The following NIN variants were observed in gnomAD, a reference collection of about 807,000 sequenced individuals.
NIN encodes the protein ninein.
In NIN, 137 loss-of-function variants were observed where a neutral mutation model predicts 257.6. The observed-to-expected ratio is 0.53, with a 90% CI of 0.46 to 0.61. NIN has a LOEUF of 0.61. Ranked by LOEUF, NIN falls within the 20% of genes least tolerant of loss-of-function variation. NIN has a pLI of 0.00. For synonymous variants in NIN, 918 were observed against 919.8 expected (o/e 1.00, Z 0.04); for missense variants, 2,439 against 2,501.2 (o/e 0.98, Z 0.53).
intron 5 of NIN, among the ~76,000 whole-genome samples, chr14:50,784,012 AGATTT>A (rs2141943848): frequency 1.3e-5 from 2 of 152,350 alleles, no homozygotes; most frequent in South Asian, 4.1e-4. Flanking sequence ...TCATGAGATA[AGATTT>A]ATTTCTTCCC....
rs527318032 is a variant in NIN at position 50,723,135 on chromosome 14, T to C, written c.*328A>G. ...TATCTAGATTTTACACATAGATTTG[T>C]AATAATTAAAAAAAAAACCAAAACC... On this transcript the variant is annotated 3_prime_UTR_variant, in exon 31 of 31. Coordinates refer to ENST00000530997, the MANE Select transcript of NIN (RefSeq NM_020921.4). 2.9e-5 allele frequency: 7 copies of C among 244,064 alleles called. No homozygotes were observed. The East Asian group carries it at 4.4e-4, about 15-fold the overall frequency. The allele number at this position is 244,064 out of a possible 1,614,324, so 15.1% of individuals were successfully genotyped here. A position where few individuals can be genotyped will look rare whatever the true frequency, so the allele number is the denominator to read the frequency against.
chr14:50,766,281 T>C (rs755601213), intron 14 of NIN, 26 bp downstream of exon 14: 1 of 1,584,912 alleles, frequency 6.3e-7, no homozygotes, highest in Non-Finnish European at 8.7e-7. Context: ...ACTCCTGCAC[T>C]TACTCAGTTC....
chr14:50,821,930 C>G lies in NIN; in HGVS notation c.127G>C (p.Glu43Gln). ...TGCTGCAGCACTGGGGCCACCTCCT[C>G]CAAGCTCAACATGTGGCAAAGGTCG... is the stretch of plus-strand genomic sequence containing the variant. ...LTDLCHMLSL[E>Q]EVAPVLQQTL... Residue 43 changes from glutamate to glutamine, a missense_variant, in exon 3 of 31, where the codon GAG (glutamate) becomes CAG (glutamine). Glu to Gln is a conservative substitution (Grantham distance 29). This residue lies in a region of NIN where 387 missense variants were observed against 427.3 expected (regional missense o/e 0.91). Transcript: ENST00000530997. 6.2e-7 allele frequency: 1 copy of G among 1,614,162 alleles called. No individual in the cohort carries two copies. The highest frequency in any genetic ancestry group is 8.5e-7 in the Non-Finnish European group (1 of 1,180,032).
chr14:50,823,115 T>C (rs2045303251), intron 2 of NIN: 3 of 505,862 alleles, frequency 5.9e-6, no homozygotes, highest in African/African-American at 4.0e-5. Flanking sequence ...ATATACATCA[T>C]AAAATTCCAG....
At chr14:50,742,186 G>C (rs1002092753) in intron 24 of NIN, 5 of 153,362 alleles carry the variant, frequency 3.3e-5, no homozygotes, top group Non-Finnish European at 5.8e-5. Flanking sequence ...AGCCAAGGCA[G>C]GAGGATCGCT....
intron 6 of NIN, among the ~76,000 whole-genome samples, chr14:50,778,157 T>A (rs1268397199): frequency 2.6e-5 from 4 of 152,216 alleles, no homozygotes; most frequent in Non-Finnish European, 5.9e-5. Context: ...GATGCATTTT[T>A]AAATTAATTA....
At chr14:50,745,496 C>T (rs545409352) in intron 22 of NIN, among the ~76,000 whole-genome samples, 12 of 152,242 alleles carry the variant, frequency 7.9e-5, no homozygotes, top group East Asian at 3.9e-4. Flanking sequence ...TATGATTTTA[C>T]GACCATCTTT....
In NIN at chr14:50,758,239, T is replaced by C; in HGVS notation, c.2791A>G (p.Ser931Gly). The part of the protein sequence containing the change: ...DLRNVSETQQ[S>G]LLSDQILELK... ...TCAAGTATCTGGTCAGACAGCAGGC[T>C]TTGCTGGGTTTCAGATACATTTCTT... The change falls in exon 18 of 31, where the codon AGC (serine) becomes GGC (glycine). Residue 931 changes from serine to glycine, a missense_variant. By Grantham distance (56) the Ser-to-Gly change is moderately conservative. This residue lies in a region of NIN where 2,043 missense variants were observed against 2,050.2 expected (regional missense o/e 1.00). Coordinates refer to ENST00000530997, the MANE Select transcript of NIN (RefSeq NM_020921.4). 1 of 1,614,196 alleles carries C rather than the reference T, an allele frequency of 6.2e-7. No homozygotes were observed. The highest frequency in any genetic ancestry group is 8.5e-7 in the Non-Finnish European group (1 of 1,180,030).
rs1395083001 is a variant in NIN, at chr14:50,765,842, TG to T, written c.1635+464del. On this transcript the variant is annotated intron_variant, in intron 14 of 30. Transcript: ENST00000530997. ...TAATAATGTTAATAGCTAACATTTA[TG>T]TTTTTTTTTTTTAATTTTATTATAC... Among the ~76,000 whole-genome samples, 21 of 59,664 alleles carry T rather than the reference TG, an allele frequency of 3.5e-4. No homozygotes were observed. The South Asian group carries it at 0.025, about 72-fold the overall frequency. 39.1% of individuals were successfully genotyped at this position (59,664 alleles called of 152,430 possible). A position where few individuals can be genotyped will look rare whatever the true frequency, so the allele number is the denominator to read the frequency against.
chr14:50,761,943 G>A, intron 15 of NIN, 32 bp from the exon 16 acceptor site: 1 of 1,612,550 alleles, frequency 6.2e-7, no homozygotes, highest in Non-Finnish European at 8.5e-7. Context: ...TGATCCTGCA[G>A]CAGGTTCTTT....
intron 5 of NIN, 70 bp from the exon 6 acceptor site, chr14:50,778,874 G>C (rs2043021275): frequency 6.7e-7 from 1 of 1,498,774 alleles, no homozygotes; most frequent in South Asian, 1.1e-5. Context: ...GCTTTTCCTA[G>C]AGCAGATCAC....
intron 5 of NIN, among the ~76,000 whole-genome samples, chr14:50,782,574 T>G (rs573129219): frequency 7.9e-5 from 12 of 152,236 alleles, no homozygotes; most frequent in Non-Finnish European, 1.5e-4. Flanking sequence ...TGGAAGGAAA[T>G]AGAGATAATA....
rs2042693386 is a variant in NIN, at chr14:50,770,676, T to C, written c.1260-114A>G. 13 of 1,383,046 alleles carry C rather than the reference T, an allele frequency of 9.4e-6. No homozygotes were observed. The South Asian group carries it at 1.7e-4, about 19-fold the overall frequency. The allele number at this position is 1,383,046 out of a possible 1,614,324, so 85.7% of individuals were successfully genotyped here. On this transcript the variant is annotated intron_variant, in intron 11 of 30. Coordinates refer to ENST00000530997, the MANE Select transcript of NIN (RefSeq NM_020921.4). ...AGATGAAAAGCACCTGGATAAAATA[T>C]CTAGTGTACCCTGCTTTCCCTTAGG...
rs568127455 is a variant in NIN, at chr14:50,728,093, C to T, written c.6078+1430G>A. Among the ~76,000 whole-genome samples the T allele has an allele frequency of 4.0e-5, 6 of 151,510 alleles. No individual in the cohort carries two copies. In the East Asian group the frequency reaches 9.7e-4, roughly 24 times the overall value. ...TCAAAAATCTTAGTTTTTGTCTAAT[C>T]CTGAAGGAATTGGAGGAAAAGGATA... is the stretch of plus-strand genomic sequence containing the variant. On this transcript the variant is annotated intron_variant, in intron 29 of 30. Coordinates refer to ENST00000530997, the MANE Select transcript of NIN (RefSeq NM_020921.4).
Position 50,729,512 on chromosome 14 carries a change from G to T in NIN, c.6078+11C>A, listed in dbSNP as rs1278873686. The T allele has an allele frequency of 4.3e-6, 7 of 1,610,080 alleles. No individual in the cohort carries two copies. The highest frequency in any genetic ancestry group is 5.9e-6 in the Non-Finnish European group (7 of 1,177,734). ...AACAGGTGATCTACTAGAGTAGAGA[G>T]AGCTTCATACCTGTGGTGTGTTGGT... On this transcript the variant is annotated intron_variant, in intron 29 of 30. Coordinates refer to ENST00000530997, the MANE Select transcript of NIN (RefSeq NM_020921.4).
intron 4 of NIN, 185 bp downstream of exon 4, chr14:50,806,552 T>G (rs2044335460): frequency 2.0e-6 from 1 of 491,920 alleles, no homozygotes; most frequent in Non-Finnish European, 3.6e-6. Context: ...TAGAGAAGTC[T>G]CATTTTAGTG....
rs1340715986 is a variant in NIN at position 50,721,285 on chromosome 14, G to A, written c.*2178C>T. 3 of 204,700 alleles carry A rather than the reference G, an allele frequency of 1.5e-5. No homozygotes were observed. The highest frequency in any genetic ancestry group is 6.9e-5 in the African/African-American group (3 of 43,788). 12.7% of individuals were successfully genotyped at this position (204,700 alleles called of 1,614,324 possible). A position where few individuals can be genotyped will look rare whatever the true frequency, so the allele number is the denominator to read the frequency against. On this transcript the variant is annotated 3_prime_UTR_variant, in exon 31 of 31. Coordinates refer to ENST00000530997, the MANE Select transcript of NIN (RefSeq NM_020921.4). The stretch of plus-strand genomic sequence containing the variant: ...TTCTAAATGTAGTCTAAACTTTCCA[G>A]AAAGTCATATTTACATTCATTGTAC...
chr14:50,757,106 T>C lies in NIN; in HGVS notation c.3924A>G (p.Glu1308=). The part of the protein sequence containing the change: ...EEVTETFLSL[E]KSYDEVKIEN... ...CTATTTTGACCTCATCGTAACTCTT[T>C]TCCAGGCTGAGGAATGTTTCAGTGA... Residue 1308 remains glutamate, a synonymous_variant, in exon 18 of 31, where the codon GAA becomes GAG. Coordinates refer to ENST00000530997, the MANE Select transcript of NIN (RefSeq NM_020921.4). 1 of 1,613,220 alleles carries C rather than the reference T, an allele frequency of 6.2e-7. No individual in the cohort carries two copies. The highest frequency in any genetic ancestry group is 8.5e-7 in the Non-Finnish European group (1 of 1,179,710).
At chr14:50,747,663 G>A (rs1269260845) in intron 22 of NIN, among the ~76,000 whole-genome samples, 1 of 151,704 alleles carries the variant, frequency 6.6e-6, no homozygotes, top group Admixed American at 6.6e-5. Context: ...GAGCCTGGGA[G>A]CTGGAGGTTG....
Sources: allele counts gnomAD v4.1 joint callset (sites outside exome capture counted in the v4.1 genomes callset), GRCh38; gene constraint gnomAD v4.1.1; regional missense constraint gnomAD v4.1.1; transcripts MANE v1.5; gene names NCBI Gene and HGNC (gene_info 2026-07-23, HGNC 2026-07-21).